CDH12: variants seen among roughly 807,000 people sequenced by gnomAD.
CDH12 encodes cadherin-12.
Under a neutral mutation model 74.1 loss-of-function variants are expected in CDH12, and 41 were observed. That is an observed-to-expected ratio of 0.55 (90% CI 0.43 to 0.72). The LOEUF is 0.72. Among genes scored for constraint, CDH12 ranks in the 30% least tolerant of loss-of-function variants. CDH12 has a pLI of 0.00. For synonymous variants in CDH12, 399 were observed against 355.0 expected (o/e 1.12, Z -1.39); for missense variants, 945 against 977.2 (o/e 0.97, Z 0.44).
intron 2 of CDH12, among the ~76,000 whole-genome samples, chr5:22,427,388 G>C (rs993047812): frequency 2.0e-5 from 3 of 152,054 alleles, no homozygotes; most frequent in African/African-American, 7.2e-5. Flanking sequence ...GGCTGGTCTT[G>C]ATCTCTTGAC....
intron 8 of CDH12, among the ~76,000 whole-genome samples, chr5:21,817,375 G>A (rs2149946424): frequency 6.6e-6 from 1 of 152,240 alleles, no homozygotes; most frequent in Admixed American, 6.5e-5. Context: ...GAATGCTAAA[G>A]TAAAATTATT....
intron 1 of CDH12, among the ~76,000 whole-genome samples, chr5:22,546,574 T>C (rs930540761): frequency 6.6e-6 from 1 of 152,182 alleles, no homozygotes; most frequent in African/African-American, 2.4e-5. Flanking sequence ...GATTTTTTCT[T>C]TTAATTTTGA....
At chr5:22,140,346 C>T (rs1423258716) in intron 4 of CDH12, among the ~76,000 whole-genome samples, 2 of 151,838 alleles carry the variant, frequency 1.3e-5, no homozygotes, top group Non-Finnish European at 2.9e-5. Flanking sequence ...TTTTACTTAG[C>T]TTTTGAGAGT....
At chr5:22,325,490 C>G (rs1739046935) in intron 3 of CDH12, among the ~76,000 whole-genome samples, 1 of 152,018 alleles carries the variant, frequency 6.6e-6, no homozygotes, top group South Asian at 2.1e-4. Flanking sequence ...CTATACAAAA[C>G]AAATGGAAGG....
At chr5:22,379,052 T>C (rs927608536) in intron 3 of CDH12, among the ~76,000 whole-genome samples, 1 of 152,156 alleles carries the variant, frequency 6.6e-6, no homozygotes, top group African/African-American at 2.4e-5. Context: ...GAAAATACTA[T>C]ATAGTAACTG....
rs1184051922 is a variant in CDH12, at chr5:22,384,503, G to GC, written c.-333+20753dup. ...ATTGCACCACTGCACTCCCGCCTGGGCCACAGAGCGAAACTCCGTCTCAAA... is the reference window on the plus strand; with the variant it reads ...ATTGCACCACTGCACTCCCGCCTGGGCCCACAGAGCGAAACTCCGTCTCAAA... On this transcript the variant is annotated intron_variant, in intron 3 of 14. Transcript: ENST00000382254. Among the ~76,000 whole-genome samples the GC allele has an allele frequency of 3.5e-5, 4 of 114,404 alleles. No homozygotes were observed. The East Asian group carries it at 8.2e-4, about 23-fold the overall frequency. 75.1% of individuals were successfully genotyped at this position (114,404 alleles called of 152,430 possible).
chr5:22,316,191 A>T (rs1290326596), intron 3 of CDH12, among the ~76,000 whole-genome samples: 2 of 151,886 alleles, frequency 1.3e-5, no homozygotes, highest in African/African-American at 4.8e-5. Flanking sequence ...TCCAATACAT[A>T]CTAATCTAAG....
intron 10 of CDH12, among the ~76,000 whole-genome samples, chr5:21,790,330 T>A (rs1746419844): frequency 6.6e-6 from 1 of 152,120 alleles, no homozygotes; most frequent in African/African-American, 2.4e-5. Flanking sequence ...TACGTTTATC[T>A]CTTAGTTATG....
At chr5:22,035,749 C>T (rs1739138795) in intron 5 of CDH12, among the ~76,000 whole-genome samples, 1 of 147,610 alleles carries the variant, frequency 6.8e-6, no homozygotes. Context: ...CACACACACA[C>T]ACTCCCCAGA....
intron 1 of CDH12, among the ~76,000 whole-genome samples, chr5:22,849,323 A>G (rs1018578575): frequency 6.6e-6 from 1 of 152,144 alleles, no homozygotes; most frequent in East Asian, 1.9e-4. Flanking sequence ...TTTCCACATC[A>G]TCATGTAGAC....
intron 1 of CDH12, among the ~76,000 whole-genome samples, chr5:22,755,065 G>A (rs1745819386): frequency 6.6e-6 from 1 of 152,064 alleles, no homozygotes; most frequent in African/African-American, 2.4e-5. Flanking sequence ...TGATAAATCT[G>A]GATCTATGGA....
rs1017822168 is a variant in CDH12, at chr5:22,151,845, T to A, written c.-187+60653A>T. 21 of 152,194 alleles carry A rather than the reference T, an allele frequency of 1.4e-4. 1 individual carries two copies. Among genetic ancestry groups the A allele is most frequent in the Admixed American group, 4.6e-4 (7 of 15,256 alleles). 9.4% of individuals were successfully genotyped at this position (152,194 alleles called of 1,614,324 possible). On this transcript the variant is annotated intron_variant, in intron 4 of 14. Coordinates refer to ENST00000382254, the MANE Select transcript of CDH12 (RefSeq NM_004061.5). ...ACATAAAAAGACTAAAATAAAACGT[T>A]TCTGGTTTTCACAGTAACTGATCTG...
At chr5:22,256,965 T>C (rs1753340801) in intron 3 of CDH12, among the ~76,000 whole-genome samples, 1 of 152,110 alleles carries the variant, frequency 6.6e-6, no homozygotes, top group South Asian at 2.1e-4. Context: ...ATGTGCTACA[T>C]ATACATCATG....
At chr5:22,497,003 G>T (rs1028526058) in intron 2 of CDH12, among the ~76,000 whole-genome samples, 2 of 152,076 alleles carry the variant, frequency 1.3e-5, no homozygotes, top group Admixed American at 1.3e-4. Flanking sequence ...TGTGATCTTG[G>T]AAAATATTAC....
Position 22,842,582 on chromosome 5 carries a change from G to C in CDH12, c.-523+10476C>G, listed in dbSNP as rs551483429. On this transcript the variant is annotated intron_variant, in intron 1 of 14. Coordinates refer to ENST00000382254, the MANE Select transcript of CDH12 (RefSeq NM_004061.5). ...TGGTGTTGTAGGCCAAGAGTACATG[G>C]TTAGTCAGGATAAAGACAAGGTATC... 3.3e-5 allele frequency among the ~76,000 whole-genome samples: 5 copies of C among 152,220 alleles called. No homozygotes were observed. The East Asian group carries it at 9.7e-4, about 29-fold the overall frequency.
At chr5:22,841,019 T>G (rs1419723095) in intron 1 of CDH12, among the ~76,000 whole-genome samples, 1 of 152,194 alleles carries the variant, frequency 6.6e-6, no homozygotes, top group African/African-American at 2.4e-5. Flanking sequence ...CGGCACAGAC[T>G]ACACAGACAC....
chr5:22,106,021 A>G (rs1414538003), intron 4 of CDH12, among the ~76,000 whole-genome samples: 1 of 152,202 alleles, frequency 6.6e-6, no homozygotes, highest in African/African-American at 2.4e-5. Context: ...TGGTTTGTGG[A>G]ATACTATTGC....
At chr5:22,560,102 T>C (rs1164288298) in intron 1 of CDH12, among the ~76,000 whole-genome samples, 1 of 152,170 alleles carries the variant, frequency 6.6e-6, no homozygotes, top group Non-Finnish European at 1.5e-5. Flanking sequence ...TATCTGTGTA[T>C]TAAGGTATTT....
intron 6 of CDH12, among the ~76,000 whole-genome samples, chr5:21,961,315 A>G (rs991716928): frequency 6.6e-6 from 1 of 151,982 alleles, no homozygotes; most frequent in Non-Finnish European, 1.5e-5. Flanking sequence ...TTTGAATCCT[A>G]CTTTCTCTGG....
Sources: gnomAD v4.1 joint callset for allele counts (sites outside exome capture counted in the v4.1 genomes callset) on GRCh38, gnomAD v4.1.1 for gene constraint, MANE v1.5 for transcripts, NCBI Gene and HGNC (gene_info 2026-07-23, HGNC 2026-07-21) for gene names.